EHBP1: variants seen among roughly 807,000 people sequenced by gnomAD.
EHBP1 encodes EH domain-binding protein 1.
In EHBP1, 55 loss-of-function variants were observed where a neutral mutation model predicts 144.0. The observed-to-expected ratio is 0.38, with a 90% CI of 0.31 to 0.48. The LOEUF (loss-of-function observed/expected upper bound fraction) is 0.48, where lower values mean the gene tolerates loss of function less well. EHBP1 is among the 20% of genes least tolerant of loss of function. The pLI is 0.98. For missense variants in EHBP1, 1,200 were observed against 1,364.2 expected, an observed-to-expected ratio of 0.88 and a Z score of 1.90; for synonymous variants, 469 against 472.7, an observed-to-expected ratio of 0.99 and a Z score of 0.10.
intron 1 of EHBP1, among the ~76,000 whole-genome samples, chr2:62,697,221 T>TA (rs1307409283): frequency 1.3e-5 from 2 of 152,360 alleles, no homozygotes; most frequent in South Asian, 4.1e-4. Context: ...AGACATAACT[T>TA]AAAAAAATCA....
At chr2:62,909,910 A>G (rs1038454090) in intron 10 of EHBP1, among the ~76,000 whole-genome samples, 8 of 152,134 alleles carry the variant, frequency 5.3e-5, no homozygotes, top group African/African-American at 1.9e-4. Flanking sequence ...GGCGCATGTC[A>G]CCACACCCAG....
At position 62,949,048 on chromosome 2, in the gene EHBP1, T is replaced by C. The variant is rs1261686072; in HGVS notation, c.2202T>C (p.Ser734=). The C allele has an allele frequency of 1.2e-6, 2 of 1,613,478 alleles. No homozygotes were observed. Among genetic ancestry groups the C allele is most frequent in the Middle Eastern group, 1.7e-4 (1 of 6,058 alleles). ...CTTCTAAACTTGGATACTCATATAG[T>C]AGAGATCTAGACCTTGCTAAGAAAA... ...SPTSKLGYSY[S]RDLDLAKKKH... The change falls in exon 13 of 23, where the codon AGT becomes AGC. Residue 734 remains serine (S), a synonymous_variant. Transcript: ENST00000431489.
chr2:62,996,078 T>C (rs1376173287), intron 18 of EHBP1, among the ~76,000 whole-genome samples: 1 of 152,072 alleles, frequency 6.6e-6, no homozygotes, highest in Non-Finnish European at 1.5e-5. Flanking sequence ...GGAGGGAAAA[T>C]TGGAGATATT....
At chr2:62,708,905 G>C (rs1259680100) in intron 2 of EHBP1, among the ~76,000 whole-genome samples, 1 of 151,886 alleles carries the variant, frequency 6.6e-6, no homozygotes, top group Admixed American at 6.6e-5. Context: ...GTGTAGGATT[G>C]GGGGGCATGC....
intron 3 of EHBP1, among the ~76,000 whole-genome samples, chr2:62,753,180 C>G (rs1413694754): frequency 6.6e-6 from 1 of 152,116 alleles, no homozygotes. Flanking sequence ...TTCATGAGCT[C>G]TTGTAGGGCA....
At chr2:62,755,962 G>A (rs749994426) in intron 3 of EHBP1, among the ~76,000 whole-genome samples, 10 of 151,972 alleles carry the variant, frequency 6.6e-5, no homozygotes, top group South Asian at 2.1e-4. Flanking sequence ...AAGGAAATGC[G>A]TTAGATTATA....
chr2:62,735,732 T>A (rs1292453894), intron 2 of EHBP1, among the ~76,000 whole-genome samples: 1 of 152,142 alleles, frequency 6.6e-6, no homozygotes, highest in Non-Finnish European at 1.5e-5. Context: ...AATCCAATTT[T>A]TGTTTGTCTG....
chr2:63,033,652 G>A (rs558638995), intron 19 of EHBP1, among the ~76,000 whole-genome samples: 2 of 152,066 alleles, frequency 1.3e-5, no homozygotes, highest in Admixed American at 1.3e-4. Context: ...ATAATTTCTG[G>A]TTTTTGACAT....
intron 1 of EHBP1, among the ~76,000 whole-genome samples, chr2:62,675,272 A>G (rs947637640): frequency 6.6e-6 from 1 of 152,196 alleles, no homozygotes; most frequent in Non-Finnish European, 1.5e-5. Flanking sequence ...GTTAAAGCCC[A>G]GCTGTCCTTC....
At chr2:62,726,777 T>G (rs1017853165) in intron 2 of EHBP1, 1 of 152,224 alleles carries the variant, frequency 6.6e-6, no homozygotes, top group African/African-American at 2.4e-5. Context: ...GATAGATTCG[T>G]TTGTATTTAT....
chr2:62,959,753 G>A (rs893471370), intron 14 of EHBP1, among the ~76,000 whole-genome samples: 1 of 152,036 alleles, frequency 6.6e-6, no homozygotes, highest in Non-Finnish European at 1.5e-5. Flanking sequence ...GTGAGGGGTG[G>A]CTAATGAGTT....
chr2:62,745,807 C>A (rs2039097482), intron 2 of EHBP1, among the ~76,000 whole-genome samples: 1 of 151,862 alleles, frequency 6.6e-6, no homozygotes, highest in Admixed American at 6.6e-5. Flanking sequence ...TGTTTAAAGG[C>A]ATTTAAATAA....
At chr2:63,037,317 G>A (rs1280118287) in intron 19 of EHBP1, among the ~76,000 whole-genome samples, 3 of 151,764 alleles carry the variant, frequency 2.0e-5, no homozygotes, top group Non-Finnish European at 2.9e-5. Context: ...ATGATCTATC[G>A]GTATGTTCAC....
rs781269110 is a variant in EHBP1, at chr2:62,756,347, C to T, written c.163-7919C>T. ...ATTACTTATTGTTGGATGAATTTTC[C>T]GTTTGTAATGCTCTTAACATTTTAA... is the stretch of plus-strand genomic sequence containing the variant. On this transcript the variant is annotated intron_variant, in intron 3 of 22. Coordinates refer to ENST00000431489, the MANE Select transcript of EHBP1 (RefSeq NM_001142616.3). 7.2e-4 allele frequency among the ~76,000 whole-genome samples: 110 copies of T among 152,190 alleles called. No individual in the cohort carries two copies. In the Middle Eastern group the frequency reaches 0.01, roughly 14 times the overall value.
intron 14 of EHBP1, 146 bp downstream of exon 14, chr2:62,955,806 T>G: frequency 1.3e-6 from 1 of 793,582 alleles, no homozygotes; most frequent in Non-Finnish European, 1.9e-6. Context: ...CTGATAAAGA[T>G]AAATTCATAC....
intron 19 of EHBP1, among the ~76,000 whole-genome samples, chr2:63,016,688 C>T (rs2060499691): frequency 6.6e-6 from 1 of 152,172 alleles, no homozygotes; most frequent in African/African-American, 2.4e-5. Flanking sequence ...GTCTCAGCCT[C>T]CCAAAGTGCT....
At chr2:63,009,964 G>A (rs1490040378) in intron 19 of EHBP1, among the ~76,000 whole-genome samples, 2 of 151,420 alleles carry the variant, frequency 1.3e-5, no homozygotes, top group African/African-American at 4.8e-5. Flanking sequence ...TCATGTAAAT[G>A]TAATCTCTCC....
chr2:62,729,432 A>AAAT lies in EHBP1; in HGVS notation c.105-17962_105-17961insATA, dbSNP rs1553380029. ...TATAATAATAATAATATAATATAAT[A>AAAT]ATAATAAATATAATAATAAATATAT... On this transcript the variant is annotated intron_variant, in intron 2 of 22. Transcript: ENST00000431489. Among the ~76,000 whole-genome samples, 412 of 111,482 alleles carry AAAT rather than the reference A, an allele frequency of 3.7e-3. 3 individuals are homozygous for AAAT. The highest frequency in any genetic ancestry group is 6.5e-3 in the Middle Eastern group (1 of 154). The allele number at this position is 111,482 out of a possible 152,430, so 73.1% of individuals were successfully genotyped here.
intron 10 of EHBP1, among the ~76,000 whole-genome samples, chr2:62,918,824 A>G (rs2054841406): frequency 6.6e-6 from 1 of 152,220 alleles, no homozygotes; most frequent in Non-Finnish European, 1.5e-5. Context: ...TTAAGGAGGT[A>G]GAGGATTCTG....
Sources: gnomAD v4.1 joint callset for allele counts (sites outside exome capture counted in the v4.1 genomes callset) on GRCh38, gnomAD v4.1.1 for gene constraint, MANE v1.5 for transcripts, NCBI Gene and HGNC (gene_info 2026-07-23, HGNC 2026-07-21) for gene names.